Variants in ATXN7 observed in about 807,000 individuals in gnomAD.
The protein encoded by ATXN7 is ataxin 7.
In ATXN7, 12 loss-of-function variants were observed where a neutral mutation model predicts 70.5. That is an observed-to-expected ratio of 0.17 (90% CI 0.11 to 0.28). The LOEUF is 0.28. ATXN7 is among the 10% of genes least tolerant of loss of function. The pLI is 1.00. For synonymous variants in ATXN7, 498 were observed against 448.7 expected, an observed-to-expected ratio of 1.11 and a Z score of -1.39; for missense variants, 1,256 against 1,131.7, an observed-to-expected ratio of 1.11 and a Z score of -1.58.
intron 8 of ATXN7, 148 bp downstream of exon 8, chr3:63,983,169 G>T (rs1323691887): frequency 1.5e-6 from 1 of 658,056 alleles, no homozygotes; most frequent in Non-Finnish European, 2.7e-6. Flanking sequence ...ACTTGGTTCT[G>T]TTGAAGAAAG....
intron 1 of ATXN7, among the ~76,000 whole-genome samples, chr3:63,880,078 TC>T (rs757754746): frequency 8.9e-4 from 135 of 151,982 alleles, no homozygotes; most frequent in Non-Finnish European, 1.3e-3. Context: ...AGAGCAAGAC[TC>T]CGTATCAAAA....
chr3:63,923,477 A>G (rs528565374), intron 4 of ATXN7, among the ~76,000 whole-genome samples: 1 of 152,344 alleles, frequency 6.6e-6, no homozygotes, highest in African/African-American at 2.4e-5. Flanking sequence ...TTTTCTAAGC[A>G]TTTAACATTT....
rs181078714 is a variant in ATXN7, at chr3:63,929,569, C to T, written c.394+16344C>T. 8.3e-4 allele frequency among the ~76,000 whole-genome samples: 126 copies of T among 152,296 alleles called. 2 individuals carry two copies. The East Asian group carries it at 0.021, about 26-fold the overall frequency. On this transcript the variant is annotated intron_variant, in intron 4 of 12. Coordinates refer to ENST00000674280, the MANE Select transcript of ATXN7 (RefSeq NM_001377405.1). ...TACAGGCGTGAGCCACTGCGCCCGG[C>T]CTGCCTTTCTTTTGAGAATTAGAAT...
chr3:63,958,663 TG>T (rs141478105), intron 5 of ATXN7, among the ~76,000 whole-genome samples: 3,515 of 152,266 alleles, frequency 0.023, 137 homozygotes, highest in African/African-American at 0.078. Flanking sequence ...AGAAAGAAAA[TG>T]TTTTTTTTCT....
chr3:63,936,694 A>C (rs2074668689), intron 4 of ATXN7, among the ~76,000 whole-genome samples: 1 of 152,162 alleles, frequency 6.6e-6, no homozygotes. Flanking sequence ...GGTTTTGTGT[A>C]GGAAAGTAGG....
intron 5 of ATXN7, among the ~76,000 whole-genome samples, chr3:63,975,796 G>C (rs942743083): frequency 6.6e-6 from 1 of 152,142 alleles, no homozygotes; most frequent in Admixed American, 6.5e-5. Context: ...GCCATGTGAC[G>C]TACTGAAGCC....
chr3:63,970,512 G>T (rs768743039), intron 5 of ATXN7, among the ~76,000 whole-genome samples: 5 of 152,000 alleles, frequency 3.3e-5, no homozygotes, highest in Non-Finnish European at 5.9e-5. Flanking sequence ...AAAATATTTG[G>T]ATTTTTTTTA....
At chr3:63,979,806 A>G in intron 5 of ATXN7, 109 bp from the exon 6 acceptor site, 1 of 1,470,826 alleles carries the variant, frequency 6.8e-7, no homozygotes, top group Admixed American at 1.9e-5. Flanking sequence ...ACCTTCACTT[A>G]ACGACACGTG....
chr3:63,884,874 G>A (rs948336377), intron 1 of ATXN7, among the ~76,000 whole-genome samples: 1 of 151,324 alleles, frequency 6.6e-6, no homozygotes, highest in Non-Finnish European at 1.5e-5. Flanking sequence ...GCCCAAGCTG[G>A]TCTTGAACTC....
rs1447690396 is a variant in ATXN7 at position 63,995,783 on chromosome 3, C to A, written c.1961C>A (p.Ser654Tyr). ...GTGTCCTCTTCATCCTCATCCCCTT[C>A]CACGCCCTCTGGCCTTTCCTCGGTT... ...RQVSSSSSSP[S>Y]TPSGLSSVPS... The change falls in exon 12 of 13, where the codon TCC (serine) becomes TAC (tyrosine). Residue 654 changes from serine (S) to tyrosine (Y), a missense_variant. By Grantham distance (144) the Ser-to-Tyr change is moderately radical. Transcript: ENST00000674280. The A allele has an allele frequency of 6.2e-7, 1 of 1,614,116 alleles. No individual in the cohort carries two copies. Among genetic ancestry groups the A allele is most frequent in the Non-Finnish European group, 8.5e-7 (1 of 1,180,046 alleles).
intron 1 of ATXN7, among the ~76,000 whole-genome samples, chr3:63,883,731 A>G (rs1702989969): frequency 6.6e-6 from 1 of 152,224 alleles, no homozygotes; most frequent in Admixed American, 6.5e-5. Flanking sequence ...GGTAATTAAG[A>G]GTTGACACCA....
chr3:63,875,665 T>G (rs1702728722), intron 1 of ATXN7, among the ~76,000 whole-genome samples: 1 of 152,232 alleles, frequency 6.6e-6, no homozygotes, highest in South Asian at 2.1e-4. Flanking sequence ...CACTTTGTGA[T>G]GTAGTCACTC....
intron 4 of ATXN7, among the ~76,000 whole-genome samples, chr3:63,941,266 C>T (rs1011179729): frequency 7.9e-5 from 12 of 151,862 alleles, no homozygotes; most frequent in African/African-American, 2.7e-4. Flanking sequence ...GGCAGTGGAC[C>T]AGCACCAGTC....
intron 4 of ATXN7, among the ~76,000 whole-genome samples, chr3:63,939,837 C>G (rs2074725146): frequency 6.6e-6 from 1 of 152,114 alleles, no homozygotes. Flanking sequence ...TTTGGAACTC[C>G]CCCAAAGCCT....
intron 2 of ATXN7, among the ~76,000 whole-genome samples, chr3:63,910,562 G>A (rs1457094041): frequency 1.3e-5 from 2 of 152,142 alleles, no homozygotes; most frequent in African/African-American, 4.8e-5. Flanking sequence ...GGTCATCTAA[G>A]CTATGTTAAA....
At chr3:63,996,617 T>TAA (rs752406394) in intron 12 of ATXN7, 134 bp downstream of exon 12, 1,153 of 202,212 alleles carry the variant, frequency 5.7e-3, no homozygotes, top group South Asian at 0.012. Context: ...GGTGTCTTCT[T>TAA]AAAAAAAAAA....
chr3:63,991,873 T>G (rs1048948100), intron 11 of ATXN7, among the ~76,000 whole-genome samples: 6 of 152,080 alleles, frequency 3.9e-5, no homozygotes, highest in African/African-American at 1.4e-4. Context: ...AGAGCCTTAA[T>G]GGGCACTGTG....
Position 64,003,114 on chromosome 3 carries a change from T to C in ATXN7, c.*3647T>C, listed in dbSNP as rs972110545. On this transcript the variant is annotated 3_prime_UTR_variant, in exon 13 of 13. Coordinates refer to ENST00000674280, the MANE Select transcript of ATXN7 (RefSeq NM_001377405.1). ...TTGTTTAGCAGAAAATAATCACTTT[T>C]ACATTTTGTGCAAAACATTTTACAT... The C allele has an allele frequency of 3.3e-5, 5 of 152,132 alleles. No individual in the cohort carries two copies. The highest frequency in any genetic ancestry group is 5.9e-5 in the Non-Finnish European group (4 of 68,026). 9.4% of individuals were successfully genotyped at this position (152,132 alleles called of 1,614,324 possible).
At chr3:63,990,071 C>G (rs760809838) in intron 9 of ATXN7, 105 bp from the exon 10 acceptor site, 11 of 1,118,092 alleles carry the variant, frequency 9.8e-6, no homozygotes, top group Non-Finnish European at 1.4e-5. Flanking sequence ...AGAGGTGGAA[C>G]CCAGGCCTCT....
Sources: allele counts gnomAD v4.1 joint callset (sites outside exome capture counted in the v4.1 genomes callset), GRCh38; gene constraint gnomAD v4.1.1; transcripts MANE v1.5; gene names NCBI Gene and HGNC (gene_info 2026-07-23, HGNC 2026-07-21).